Variants in TMEM268 observed in about 807,000 individuals in gnomAD.
TMEM268 encodes transmembrane protein 268, also known as transmembrane protein C9orf91.
TMEM268 carries 24 observed loss-of-function variants against 39.1 expected under a neutral mutation model. That is an observed-to-expected ratio of 0.61 (90% CI 0.44 to 0.86). The LOEUF (loss-of-function observed/expected upper bound fraction) is 0.86. Ranked by LOEUF, TMEM268 falls within the 40% of genes least tolerant of loss-of-function variation. TMEM268 has a pLI of 0.00. For missense variants in TMEM268, 409 were observed against 428.6 expected, an observed-to-expected ratio of 0.95 and a Z score of 0.40; for synonymous variants, 176 against 173.5, an observed-to-expected ratio of 1.01 and a Z score of -0.12.
At position 114,643,129 on chromosome 9, in the gene TMEM268, T is replaced by A. The variant is rs769886402; in HGVS notation, c.850-5T>A. The stretch of plus-strand genomic sequence containing the variant: ...GTATTCAATCTGCTTCCCTGCCTCT[T>A]CTAGGAAATGGCCCGCCAGCTGCTG... On this transcript the variant is annotated splice_region_variant and splice_polypyrimidine_tract_variant and intron_variant, in intron 8 of 8. Transcript: ENST00000288502. 1 of 1,614,040 alleles carries A rather than the reference T, an allele frequency of 6.2e-7. No homozygotes were observed. Among genetic ancestry groups the A allele is most frequent in the Non-Finnish European group, 8.5e-7 (1 of 1,179,976 alleles).
intron 6 of TMEM268, among the ~76,000 whole-genome samples, chr9:114,634,210 G>A (rs573333849): frequency 6.6e-6 from 1 of 152,302 alleles, no homozygotes; most frequent in South Asian, 2.1e-4. Flanking sequence ...ACATTGAGGG[G>A]CCCATGCAAG....
At chr9:114,625,848 A>G (rs762774736) in intron 3 of TMEM268, among the ~76,000 whole-genome samples, 1 of 151,770 alleles carries the variant, frequency 6.6e-6, no homozygotes, top group Non-Finnish European at 1.5e-5. Flanking sequence ...ATTTTTTGAG[A>G]CAGAGTCTTG....
intron 6 of TMEM268, among the ~76,000 whole-genome samples, 170 bp downstream of exon 6, chr9:114,634,048 A>T (rs1357155771): frequency 6.6e-6 from 1 of 152,142 alleles, no homozygotes; most frequent in Non-Finnish European, 1.5e-5. Flanking sequence ...CTTCCTCAAG[A>T]CACCTTCTCT....
chr9:114,611,829 A>T (rs1845509629), intron 1 of TMEM268, among the ~76,000 whole-genome samples: 1 of 152,086 alleles, frequency 6.6e-6, no homozygotes, highest in Non-Finnish European at 1.5e-5. Context: ...TATGGGGAGA[A>T]GGAGATCCCC....
At chr9:114,609,473 A>G (rs1260759666), upstream of TMEM268, among the ~76,000 whole-genome samples, 3 of 152,106 alleles carry the variant, frequency 2.0e-5, no homozygotes. Context: ...GTTTGAGACT[A>G]GCTGGGGAAA....
At chr9:114,637,098 A>C (rs753677902) in intron 7 of TMEM268, 28 bp downstream of exon 7, 1 of 1,500,046 alleles carries the variant, frequency 6.7e-7, no homozygotes, top group Non-Finnish European at 9.3e-7. Context: ...AAAAAACAAA[A>C]CAAAAACCAG....
intron 6 of TMEM268, among the ~76,000 whole-genome samples, chr9:114,634,479 G>A (rs1846543439): frequency 6.6e-6 from 1 of 152,168 alleles, no homozygotes; most frequent in South Asian, 2.1e-4. Context: ...CGAAGGTTGG[G>A]GGGAGATCTG....
intron 5 of TMEM268, among the ~76,000 whole-genome samples, chr9:114,629,538 TAAC>T (rs1846301612): frequency 6.6e-6 from 1 of 152,254 alleles, no homozygotes; most frequent in African/African-American, 2.4e-5. Context: ...GTCAGCTGAT[TAAC>T]AACATAAATT....
intron 1 of TMEM268, among the ~76,000 whole-genome samples, chr9:114,616,528 G>A (rs117292721): frequency 0.015 from 2,242 of 151,836 alleles, 21 homozygotes; most frequent in Non-Finnish European, 0.023. Context: ...ACCACACCCG[G>A]CTGATTTTTG....
At chr9:114,630,353 A>G (rs1259490912) in intron 5 of TMEM268, among the ~76,000 whole-genome samples, 2 of 152,116 alleles carry the variant, frequency 1.3e-5, no homozygotes, top group Non-Finnish European at 2.9e-5. Flanking sequence ...CAGATCCCAG[A>G]AAATGCGCAA....
At chr9:114,609,760 AAAG>A (rs1289162765), upstream of TMEM268, among the ~76,000 whole-genome samples, 5 of 146,096 alleles carry the variant, frequency 3.4e-5, no homozygotes, top group Non-Finnish European at 7.6e-5. Context: ...AGAAAGAAAG[AAAG>A]AAGGAAAGAA....
chr9:114,628,040 T>C (rs1846232918), intron 4 of TMEM268, 61 bp from the exon 5 acceptor site: 1 of 1,581,312 alleles, frequency 6.3e-7, no homozygotes, highest in African/African-American at 1.3e-5. Context: ...TCCCTTTGAA[T>C]GGAGCTGCTT....
At position 114,646,338 on chromosome 9, in the gene TMEM268, A is replaced by G. The variant is rs528397014; in HGVS notation, c.*3025A>G. On this transcript the variant is annotated 3_prime_UTR_variant, in exon 9 of 9. Transcript: ENST00000288502. The stretch of plus-strand genomic sequence containing the variant: ...ATGTACCTGGCAGGTTGTTGTAAGG[A>G]TTAAATGGTGTAAAAAAATGTCAAG... 6 of 152,384 alleles carry G rather than the reference A, an allele frequency of 3.9e-5. No individual in the cohort carries two copies. Among genetic ancestry groups the G allele is most frequent in the African/African-American group, 4.8e-5 (2 of 41,590 alleles). The allele number at this position is 152,384 out of a possible 1,614,324, so 9.4% of individuals were successfully genotyped here.
At chr9:114,608,283 A>C (rs764202560), upstream of TMEM268, among the ~76,000 whole-genome samples, 2 of 152,224 alleles carry the variant, frequency 1.3e-5, no homozygotes, top group East Asian at 1.9e-4. Context: ...TAATTCTTGC[A>C]ATCTCCCAGA....
chr9:114,625,086 G>A (rs946635816), intron 3 of TMEM268, among the ~76,000 whole-genome samples: 11 of 152,340 alleles, frequency 7.2e-5, no homozygotes, highest in African/African-American at 2.6e-4. Flanking sequence ...ATCTAGCTCC[G>A]ATGCTCACTA....
intron 7 of TMEM268, 114 bp from the exon 8 acceptor site, chr9:114,638,429 TC>T (rs1846737671): frequency 1.5e-6 from 1 of 680,514 alleles, no homozygotes; most frequent in African/African-American, 1.9e-5. Context: ...TCTGAGGTCA[TC>T]ATCTGAGTCT....
chr9:114,621,542 T>A (rs56302526), intron 2 of TMEM268, among the ~76,000 whole-genome samples: 1 of 152,158 alleles, frequency 6.6e-6, no homozygotes, highest in Non-Finnish European at 1.5e-5. Flanking sequence ...AATAATTGCA[T>A]ACATAGGTAT....
chr9:114,609,671 G>A (rs1470554277), upstream of TMEM268, among the ~76,000 whole-genome samples: 2 of 149,352 alleles, frequency 1.3e-5, no homozygotes, highest in African/African-American at 5.0e-5. Flanking sequence ...GCCTGGGCAA[G>A]AGAGTGACCC....
intron 5 of TMEM268, 27 bp downstream of exon 5, chr9:114,628,277 A>G: frequency 1.2e-6 from 2 of 1,608,342 alleles, no homozygotes; most frequent in South Asian, 2.2e-5. Context: ...TCCCTGCCAC[A>G]CTCTCTCCAG....
Sources: allele counts gnomAD v4.1 joint callset (sites outside exome capture counted in the v4.1 genomes callset), GRCh38; gene constraint gnomAD v4.1.1; transcripts MANE v1.5; gene names NCBI Gene and HGNC (gene_info 2026-07-23, HGNC 2026-07-21).